Variants in ECT2 observed in about 807,000 individuals in gnomAD.
ECT2 encodes the protein protein ECT2.
In ECT2, 61 loss-of-function variants were observed where a neutral mutation model predicts 116.9. That is an observed-to-expected ratio of 0.52 (90% CI 0.42 to 0.65). The LOEUF is 0.65. ECT2 is among the 30% of genes least tolerant of loss of function. The pLI, the probability that ECT2 is intolerant of heterozygous loss-of-function variation, is 0.00. For synonymous variants in ECT2, 358 were observed against 346.4 expected (o/e 1.03, Z -0.37); for missense variants, 937 against 1,078.7 (o/e 0.87, Z 1.84).
intron 14 of ECT2, among the ~76,000 whole-genome samples, chr3:172,778,588 CTTTTT>C (rs5854485): frequency 5.7e-4 from 34 of 59,808 alleles, no homozygotes; most frequent in African/African-American, 1.7e-3. Flanking sequence ...TATTAGCTAT[CTTTTT>C]TTTTTTTTTT....
rs1367455229 is a variant in ECT2 at position 172,802,607 on chromosome 3, A to AT, written c.1908-4dup. The AT allele has an allele frequency of 1.3e-6, 2 of 1,517,034 alleles. No homozygotes were observed. The highest frequency in any genetic ancestry group is 9.0e-7 in the Non-Finnish European group (1 of 1,116,536). The allele number at this position is 1,517,034 out of a possible 1,614,324, so 94.0% of individuals were successfully genotyped here. A position where few individuals can be genotyped will look rare whatever the true frequency, so the allele number is the denominator to read the frequency against. ...TATTTTAAAAGTTTTAAAAATAACT[A>AT]TTTTTCAGGCATATTAATGAGGATA... On this transcript the variant is annotated splice_polypyrimidine_tract_variant and intron_variant, in intron 18 of 24. Transcript: ENST00000392692.
intron 14 of ECT2, among the ~76,000 whole-genome samples, chr3:172,774,507 T>TC (rs1470776093): frequency 2.0e-5 from 3 of 150,860 alleles, no homozygotes; most frequent in Non-Finnish European, 4.4e-5. Flanking sequence ...CCTTTTTTTT[T>TC]CGAGATGGAG....
intron 15 of ECT2, 48 bp downstream of exon 15, chr3:172,782,279 C>A: frequency 1.7e-6 from 2 of 1,147,616 alleles, no homozygotes; most frequent in South Asian, 1.5e-5. Context: ...AATATGATCT[C>A]ATCAAGGACT....
intron 2 of ECT2, 80 bp from the exon 3 acceptor site, chr3:172,755,215 T>C: frequency 9.3e-7 from 1 of 1,072,748 alleles, no homozygotes; most frequent in Non-Finnish European, 1.3e-6. Context: ...ACATACTAGA[T>C]ATAGCCAAAA....
In ECT2 at chr3:172,821,206, A is replaced by G. The variant is rs976523294; in HGVS notation, c.*969A>G. ...TTCATTTGCTGTTTCAAAGTGTGATATCTTTCACAATAGCCTTTTTATAGT... is the reference window on the plus strand; with the variant it reads ...TTCATTTGCTGTTTCAAAGTGTGATGTCTTTCACAATAGCCTTTTTATAGT... On this transcript the variant is annotated 3_prime_UTR_variant, in exon 25 of 25. Transcript: ENST00000392692. The G allele has an allele frequency of 2.6e-4, 39 of 152,088 alleles. No individual in the cohort carries two copies. Among genetic ancestry groups the G allele is most frequent in the African/African-American group, 8.7e-4 (36 of 41,562 alleles). The allele number at this position is 152,088 out of a possible 1,614,324, so 9.4% of individuals were successfully genotyped here.
At chr3:172,801,829 G>A (rs1726774118) in intron 18 of ECT2, among the ~76,000 whole-genome samples, 1 of 152,126 alleles carries the variant, frequency 6.6e-6, no homozygotes, top group Non-Finnish European at 1.5e-5. Context: ...TTTTTTAGTT[G>A]TTTCAGTCAG....
At position 172,750,786 on chromosome 3, in the gene ECT2, C is replaced by G. The variant is rs1715599875; in HGVS notation, c.-94C>G. 1 of 152,818 alleles carries G rather than the reference C, an allele frequency of 6.5e-6. No homozygotes were observed. Among genetic ancestry groups the G allele is most frequent in the Admixed American group, 6.5e-5 (1 of 15,290 alleles). The allele number at this position is 152,818 out of a possible 1,614,324, so 9.5% of individuals were successfully genotyped here. Reference sequence around the variant, plus strand: ...TTGAATCGGTTGTGGCGGCCGCCGGCGAGGAATGGCGGTATTTGTGAGAGG... The same window carrying G: ...TTGAATCGGTTGTGGCGGCCGCCGGGGAGGAATGGCGGTATTTGTGAGAGG... On this transcript the variant is annotated 5_prime_UTR_variant, in exon 1 of 25. Coordinates refer to ENST00000392692, the MANE Select transcript of ECT2 (RefSeq NM_001258315.2).
chr3:172,782,233 T>G lies in ECT2; in HGVS notation c.1617+2T>G. 6.6e-7 allele frequency: 1 copy of G among 1,520,664 alleles called. No individual in the cohort carries two copies. The highest frequency in any genetic ancestry group is 9.0e-7 in the Non-Finnish European group (1 of 1,110,866). 94.2% of individuals were successfully genotyped at this position (1,520,664 alleles called of 1,614,324 possible). Reference sequence around the variant, plus strand: ...ATTGGTGACATTTTTCTGAAATATGTAAGTATTGTATTTCTTTTTTAAGTT... The same window carrying G: ...ATTGGTGACATTTTTCTGAAATATGGAAGTATTGTATTTCTTTTTTAAGTT... On this transcript the variant is annotated splice_donor_variant, in intron 15 of 24. Transcript: ENST00000392692. LOFTEE classifies it high-confidence loss of function.
chr3:172,771,955 C>T (rs1455858350), intron 13 of ECT2, among the ~76,000 whole-genome samples: 1 of 151,904 alleles, frequency 6.6e-6, no homozygotes, highest in Non-Finnish European at 1.5e-5. Flanking sequence ...TGTTTTTTGC[C>T]CACTTTTAAA....
chr3:172,816,775 A>G lies in ECT2; in HGVS notation c.2593A>G (p.Arg865Gly). 1 of 1,611,120 alleles carries G rather than the reference A, an allele frequency of 6.2e-7. No individual in the cohort carries two copies. The highest frequency in any genetic ancestry group is 1.7e-4 in the Middle Eastern group (1 of 6,040). Residue 865 changes from arginine to glycine, a missense_variant, in exon 24 of 25, where the codon AGA (arginine) becomes GGA (glycine). Arg to Gly is a moderately radical substitution (Grantham distance 125, BLOSUM62 -2). Coordinates refer to ENST00000392692, the MANE Select transcript of ECT2 (RefSeq NM_001258315.2). ...LMTSHGSVEG[R>G]SPSSNDKHVM... Reference sequence around the variant, plus strand: ...GACATCCCACGGCTCAGTGGAGGGAAGAAGTCCTTCCAGCAATGATAAGCA... The same window carrying G: ...GACATCCCACGGCTCAGTGGAGGGAGGAAGTCCTTCCAGCAATGATAAGCA...
intron 12 of ECT2, among the ~76,000 whole-genome samples, chr3:172,767,210 A>T (rs1327079503): frequency 1.3e-5 from 2 of 152,188 alleles, no homozygotes; most frequent in African/African-American, 4.8e-5. Context: ...TGGGAGGTTG[A>T]GGAGGGCAGA....
chr3:172,760,039 C>T (rs1242407343), intron 6 of ECT2, 117 bp from the exon 7 acceptor site: 2 of 550,132 alleles, frequency 3.6e-6, no homozygotes, highest in African/African-American at 3.9e-5. Flanking sequence ...TTATAAAAAT[C>T]CCGTATGTAT....
At position 172,820,229 on chromosome 3, in the gene ECT2, T is replaced by C. The variant is rs555125171; in HGVS notation, c.2737T>C (p.Leu913=). The change falls in exon 25 of 25, where the codon TTG becomes CTG. Residue 913 remains leucine (L), a synonymous_variant. Transcript: ENST00000392692. ...SHTLSRSTTH[L]I Reference sequence around the variant, plus strand: ...TACGTTAAGTAGATCTACAACTCATTTGATATGAAGCGTTACCAAAATCTT... The same window carrying C: ...TACGTTAAGTAGATCTACAACTCATCTGATATGAAGCGTTACCAAAATCTT... 34 of 1,603,032 alleles carry C rather than the reference T, an allele frequency of 2.1e-5. No homozygotes were observed. The South Asian group carries it at 3.8e-4, about 18-fold the overall frequency.
At position 172,820,151 on chromosome 3, in the gene ECT2, A is replaced by G. The variant is rs759710204; in HGVS notation, c.2659A>G (p.Ile887Val). The change falls in exon 25 of 25, where the codon ATC becomes GTC. Residue 887 changes from isoleucine (I) to valine (V), a missense_variant. By Grantham distance (29) the Ile-to-Val change is conservative. Coordinates refer to ENST00000392692, the MANE Select transcript of ECT2 (RefSeq NM_001258315.2). ...AATGTTTGTTTTGTCTTAACAGGGT[A>G]TCCCTTCTCCCTCCCTTGTCAGCCT... ...RLSSTSSLAG[I>V]PSPSLVSLPS... 1.2e-6 allele frequency: 2 copies of G among 1,607,000 alleles called. No homozygotes were observed. Among genetic ancestry groups the G allele is most frequent in the South Asian group, 1.1e-5 (1 of 90,458 alleles).
intron 2 of ECT2, 86 bp from the exon 3 acceptor site, chr3:172,755,209 A>G: frequency 1.0e-6 from 1 of 976,626 alleles, no homozygotes; most frequent in African/African-American, 1.7e-5. Context: ...TGTAATACAT[A>G]CTAGATATAG....
At chr3:172,758,468 T>TACACACACACACACACAC (rs138087804) in intron 5 of ECT2, among the ~76,000 whole-genome samples, 2,852 of 150,990 alleles carry the variant, frequency 0.019, 90 homozygotes, top group East Asian at 0.14. Flanking sequence ...TTCTCTTTTA[T>TACACACACACACACACAC]ACACACACAC....
chr3:172,791,385 G>A (rs1724628323), intron 18 of ECT2, among the ~76,000 whole-genome samples: 2 of 152,200 alleles, frequency 1.3e-5, no homozygotes, highest in South Asian at 2.1e-4. Context: ...CTCTCTAGCT[G>A]TGAAAGTCCT....
At chr3:172,757,217 AT>A in intron 5 of ECT2, 52 bp downstream of exon 5, 1 of 1,311,310 alleles carries the variant, frequency 7.6e-7, no homozygotes, top group Non-Finnish European at 1.0e-6. Flanking sequence ...TTATTAATGA[AT>A]TTTAATTAGC....
At chr3:172,794,937 C>T (rs926779269) in intron 18 of ECT2, among the ~76,000 whole-genome samples, 2 of 152,018 alleles carry the variant, frequency 1.3e-5, no homozygotes, top group African/African-American at 4.8e-5. Context: ...GTCTCGAACT[C>T]CTGACCTCAG....
Sources: gnomAD v4.1 joint callset for allele counts (sites outside exome capture counted in the v4.1 genomes callset) on GRCh38, gnomAD v4.1.1 for gene constraint, MANE v1.5 for transcripts, NCBI Gene and HGNC (gene_info 2026-07-23, HGNC 2026-07-21) for gene names.